RBFOX3: variants seen among roughly 807,000 people sequenced by gnomAD.
RBFOX3 encodes RNA binding protein fox-1 homolog 3.
A neutral mutation model predicts 48.7 loss-of-function variants in RBFOX3; 17 were observed. The ratio of observed to expected loss-of-function variants is 0.35; its 90% CI spans 0.24 to 0.52. RBFOX3 has a LOEUF of 0.52. Among genes scored for constraint, RBFOX3 ranks in the 20% least tolerant of loss-of-function variants. The pLI is 0.94. For synonymous variants in RBFOX3, 212 were observed against 209.5 expected, an observed-to-expected ratio of 1.01 and a Z score of -0.10; for missense variants, 382 against 497.5, an observed-to-expected ratio of 0.77 and a Z score of 2.21.
chr17:79,643,537 C>T, the RBFOX3 span, among the ~76,000 whole-genome samples: 1 of 152,108 alleles, frequency 6.6e-6, no homozygotes, highest in South Asian at 2.1e-4. Flanking sequence ...ATGTGCTGGG[C>T]CATTTTTTTA....
chr17:79,257,639 G>A (rs759488105), intron 3 of RBFOX3, among the ~76,000 whole-genome samples: 10 of 152,148 alleles, frequency 6.6e-5, no homozygotes, highest in Non-Finnish European at 1.5e-4. Context: ...GGAGTGCTGT[G>A]GTGCAGTCTC....
chr17:79,561,314 T>C (rs2092199241), intron 1 of RBFOX3, among the ~76,000 whole-genome samples: 2 of 152,156 alleles, frequency 1.3e-5, no homozygotes. Flanking sequence ...TTGCCAGGGC[T>C]GAGCAGCCGG....
intron 2 of RBFOX3, among the ~76,000 whole-genome samples, chr17:79,465,494 C>T (rs1383165529): frequency 6.6e-5 from 10 of 152,118 alleles, no homozygotes; most frequent in Non-Finnish European, 1.0e-4. Flanking sequence ...TCCTGGCAAT[C>T]TGAACATCTG....
chr17:79,258,859 C>T (rs1006886775), intron 3 of RBFOX3, among the ~76,000 whole-genome samples: 1 of 152,232 alleles, frequency 6.6e-6, no homozygotes, highest in African/African-American at 2.4e-5. Context: ...CCACCTTGTA[C>T]TTGACCCGGC....
chr17:79,245,922 A>G (rs2063109643), intron 3 of RBFOX3, among the ~76,000 whole-genome samples: 1 of 152,086 alleles, frequency 6.6e-6, no homozygotes. Context: ...CACCACGCCC[A>G]GCAGAACATT....
the RBFOX3 span, among the ~76,000 whole-genome samples, chr17:79,664,096 G>A: frequency 6.6e-6 from 1 of 152,126 alleles, no homozygotes. Context: ...GTGGGAGAAG[G>A]GATGGGAAAG....
At chr17:79,646,488 C>T in the RBFOX3 span, among the ~76,000 whole-genome samples, 59 of 152,158 alleles carry the variant, frequency 3.9e-4, no homozygotes, top group African/African-American at 1.3e-3. Flanking sequence ...GAGAAGCAAA[C>T]GCATGTCTTA....
At chr17:79,274,711 C>T (rs1386099457) in intron 3 of RBFOX3, among the ~76,000 whole-genome samples, 1 of 152,096 alleles carries the variant, frequency 6.6e-6, no homozygotes, top group Non-Finnish European at 1.5e-5. Flanking sequence ...TGGCTCACTC[C>T]CCGCTACTGG....
rs184435504 is a variant in RBFOX3, at chr17:79,341,142, C to T, written c.-174-33318G>A. The stretch of plus-strand genomic sequence containing the variant: ...ACAGACATGCACACGGGAAGGCAGA[C>T]ATGCACGTATGCACAGTGTGTACAC... On this transcript the variant is annotated intron_variant, in intron 2 of 14. Coordinates refer to ENST00000693108, the MANE Select transcript of RBFOX3 (RefSeq NM_001350451.2). Among the ~76,000 whole-genome samples, 55 of 152,318 alleles carry T rather than the reference C, an allele frequency of 3.6e-4. No homozygotes were observed. The East Asian group carries it at 6.2e-3, about 17-fold the overall frequency.
chr17:79,289,219 C>T (rs577839398), intron 3 of RBFOX3, among the ~76,000 whole-genome samples: 7 of 152,338 alleles, frequency 4.6e-5, no homozygotes, highest in South Asian at 2.1e-4. Flanking sequence ...AGGCCCGAGT[C>T]GGCGGGTTAG....
At chr17:79,322,646 C>G (rs1486044842) in intron 2 of RBFOX3, among the ~76,000 whole-genome samples, 2 of 152,160 alleles carry the variant, frequency 1.3e-5, no homozygotes, top group Non-Finnish European at 2.9e-5. Flanking sequence ...AGCTGGGTCC[C>G]CAGCCGCTGA....
rs143141160 is a variant in RBFOX3, at chr17:79,181,341, A to G, written c.-34+54425T>C. Among the ~76,000 whole-genome samples the G allele has an allele frequency of 2.4e-3, 364 of 152,328 alleles. 1 individual carries two copies. The highest frequency in any genetic ancestry group is 7.0e-3 in the African/African-American group (293 of 41,582). ...TGGCTGTACAGCAGATCTGTCCCCA[A>G]TAACCTGACCTGGCCACCCCAGAGA... On this transcript the variant is annotated intron_variant, in intron 4 of 14. Coordinates refer to ENST00000693108, the MANE Select transcript of RBFOX3 (RefSeq NM_001350451.2).
intron 3 of RBFOX3, among the ~76,000 whole-genome samples, chr17:79,266,323 G>C (rs2066697964): frequency 6.6e-6 from 1 of 152,180 alleles, no homozygotes; most frequent in Non-Finnish European, 1.5e-5. Context: ...TCGTGGTCCA[G>C]GCACCTTCTC....
intron 1 of RBFOX3, among the ~76,000 whole-genome samples, chr17:79,545,871 T>C (rs140999212): frequency 1.5e-3 from 229 of 152,350 alleles, no homozygotes; most frequent in Non-Finnish European, 2.1e-3. Context: ...CTCCATTTCT[T>C]TGGCAGTTCT....
In RBFOX3 at chr17:79,599,904, GA is replaced by G. The variant is rs1160521220; in HGVS notation, c.-320+10921del. 2.0e-5 allele frequency: 3 copies of G among 152,276 alleles called. No homozygotes were observed. The East Asian group carries it at 5.8e-4, about 29-fold the overall frequency. The allele number at this position is 152,276 out of a possible 1,614,324, so 9.4% of individuals were successfully genotyped here. A position where few individuals can be genotyped will look rare whatever the true frequency, so the allele number is the denominator to read the frequency against. Reference sequence around the variant, plus strand: ...CCCAGGAAATAAAGAGCATTTCCAGGAATGGCAAGTCTCCCACGCGGGATCA... The same window carrying G: ...CCCAGGAAATAAAGAGCATTTCCAGGATGGCAAGTCTCCCACGCGGGATCA... On this transcript the variant is annotated intron_variant, in intron 1 of 14. Transcript: ENST00000693108.
chr17:79,176,026 C>T (rs1261168578), intron 4 of RBFOX3, among the ~76,000 whole-genome samples: 2 of 152,194 alleles, frequency 1.3e-5, no homozygotes, highest in East Asian at 1.9e-4. Context: ...GTCTGTGAAC[C>T]CCAGGAAGGG....
At chr17:79,631,610 CT>C in the RBFOX3 span, among the ~76,000 whole-genome samples, 1 of 152,178 alleles carries the variant, frequency 6.6e-6, no homozygotes, top group Non-Finnish European at 1.5e-5. Flanking sequence ...TGGTATTGAC[CT>C]TTGATTATGT....
chr17:79,342,503 G>C (rs1232981933), intron 2 of RBFOX3, among the ~76,000 whole-genome samples: 1 of 152,206 alleles, frequency 6.6e-6, no homozygotes, highest in African/African-American at 2.4e-5. Context: ...CAGAACCTAA[G>C]TCCTGGGCTA....
chr17:79,097,715 A>G lies in RBFOX3; in HGVS notation c.599T>C (p.Val200Ala), dbSNP rs1337045557. The part of the protein sequence containing the change: ...GWKLNPVVGA[V>A]YGPEFYAVTG... ...ACCTGCATAGAATTCAGGCCCGTAGACTGCGCCGACCACTGGATTTAGCTT... is the reference window on the plus strand; with the variant it reads ...ACCTGCATAGAATTCAGGCCCGTAGGCTGCGCCGACCACTGGATTTAGCTT... Residue 200 changes from valine (V) to alanine (A), a missense_variant, in exon 10 of 15, where the codon GTC (valine) becomes GCC (alanine). Coordinates refer to ENST00000693108, the MANE Select transcript of RBFOX3 (RefSeq NM_001350451.2). 1 of 1,547,916 alleles carries G rather than the reference A, an allele frequency of 6.5e-7. No homozygotes were observed. The highest frequency in any genetic ancestry group is 8.7e-7 in the Non-Finnish European group (1 of 1,145,202).
Sources: gnomAD v4.1 joint callset for allele counts (sites outside exome capture counted in the v4.1 genomes callset) on GRCh38, gnomAD v4.1.1 for gene constraint, MANE v1.5 for transcripts, NCBI Gene and HGNC (gene_info 2026-07-23, HGNC 2026-07-21) for gene names.